Variants in HS6ST2 observed in about 807,000 individuals in gnomAD.
The protein encoded by HS6ST2 is heparan sulfate 6-O-sulfotransferase 2.
In HS6ST2, 17 loss-of-function variants were observed where a neutral mutation model predicts 33.0. The observed-to-expected ratio is 0.52, with a 90% confidence interval of 0.35 to 0.77. The LOEUF is 0.77. HS6ST2 is among the 30% of genes least tolerant of loss of function. The pLI, the probability that HS6ST2 is intolerant of heterozygous loss-of-function variation, is 0.01. For synonymous variants in HS6ST2, 248 were observed against 237.1 expected, an observed-to-expected ratio of 1.05 and a Z score of -0.42; for missense variants, 519 against 551.7, an observed-to-expected ratio of 0.94 and a Z score of 0.59.
At chrX:132,687,004 T>C (rs779851786) in intron 3 of HS6ST2, among the ~76,000 whole-genome samples, 4 of 112,347 alleles carry the variant, frequency 3.6e-5, no homozygotes, top group Non-Finnish European at 5.6e-5. Flanking sequence ...TCCTTGACCC[T>C]TCAAGCTCAG....
intron 2 of HS6ST2, among the ~76,000 whole-genome samples, chrX:132,868,008 A>C (rs2066009479): frequency 8.9e-6 from 1 of 112,162 alleles, no homozygotes; most frequent in Non-Finnish European, 1.9e-5. Flanking sequence ...TAAAGAGTCA[A>C]GACCCATCAG....
In HS6ST2 at chrX:132,805,374, G is replaced by A. The variant is rs151282915; in HGVS notation, c.948-96880C>T. Among the ~76,000 whole-genome samples, 745 of 111,106 alleles carry A rather than the reference G, an allele frequency of 6.7e-3. 3 individuals carry two copies. Among genetic ancestry groups the A allele is most frequent in the African/African-American group, 0.023 (713 of 30,529 alleles). On this transcript the variant is annotated intron_variant, in intron 2 of 4. Coordinates refer to ENST00000370833, the MANE Select transcript of HS6ST2 (RefSeq NM_001394073.1). ...GAAATGAGAGGAGGGGAGAAGTCTC[G>A]GGTCTGAGAGATTTTCTCAACAAGA...
At chrX:132,940,194 A>G (rs2066872406) in intron 2 of HS6ST2, among the ~76,000 whole-genome samples, 1 of 112,001 alleles carries the variant, frequency 8.9e-6, no homozygotes, top group South Asian at 3.7e-4. Context: ...ATAAAGAAAA[A>G]CAGTCTTCAA....
chrX:132,676,899 G>C (rs755070302), intron 3 of HS6ST2, among the ~76,000 whole-genome samples: 1 of 112,395 alleles, frequency 8.9e-6, no homozygotes, highest in Non-Finnish European at 1.9e-5. Flanking sequence ...GTGCCCCGCT[G>C]TAGGGCTTCT....
intron 2 of HS6ST2, among the ~76,000 whole-genome samples, chrX:132,803,629 G>A (rs1163676231): frequency 5.4e-5 from 6 of 111,281 alleles, no homozygotes; most frequent in Non-Finnish European, 1.1e-4. Flanking sequence ...GGCTAGTCTC[G>A]AACTCCTGGC....
chrX:132,709,054 T>C (rs183800632), intron 2 of HS6ST2, among the ~76,000 whole-genome samples: 272 of 112,392 alleles, frequency 2.4e-3, no homozygotes, highest in Non-Finnish European at 4.4e-3. Context: ...ATCTCTCTAG[T>C]CCCTTCCACC....
chrX:132,718,780 C>T (rs1243003844), intron 2 of HS6ST2, among the ~76,000 whole-genome samples: 1 of 110,897 alleles, frequency 9.0e-6, no homozygotes, highest in Non-Finnish European at 1.9e-5. Flanking sequence ...TTCACCATAG[C>T]TATGCTGCTC....
chrX:132,642,386 G>A (rs1274373649), intron 4 of HS6ST2, among the ~76,000 whole-genome samples: 1 of 111,138 alleles, frequency 9.0e-6, no homozygotes, highest in African/African-American at 3.3e-5. Context: ...TGATTTTAAT[G>A]AGCTCTAATA....
chrX:132,839,349 G>A (rs985036551), intron 2 of HS6ST2, among the ~76,000 whole-genome samples: 4 of 96,881 alleles, frequency 4.1e-5, no homozygotes, highest in African/African-American at 1.1e-4. Context: ...CACACACACC[G>A]TGGCATACTA....
intron 4 of HS6ST2, among the ~76,000 whole-genome samples, chrX:132,646,535 TAAAAAA>T (rs34230779): frequency 3.3e-4 from 22 of 67,253 alleles, no homozygotes; most frequent in African/African-American, 1.4e-3. Flanking sequence ...CCCTGTCTCT[TAAAAAA>T]AAAAAAAAAA....
At chrX:132,648,998 A>G (rs909521114) in intron 4 of HS6ST2, among the ~76,000 whole-genome samples, 1 of 112,376 alleles carries the variant, frequency 8.9e-6, no homozygotes, top group African/African-American at 3.2e-5. Context: ...CGGCATATCA[A>G]TCGTGTTTTA....
chrX:132,794,850 T>C (rs1027652640), intron 2 of HS6ST2, among the ~76,000 whole-genome samples: 2 of 110,671 alleles, frequency 1.8e-5, no homozygotes, highest in African/African-American at 6.6e-5. Flanking sequence ...ATGGTAGAGC[T>C]GGCCTTGATG....
intron 2 of HS6ST2, among the ~76,000 whole-genome samples, chrX:132,761,210 G>A (rs1213216809): frequency 8.9e-6 from 1 of 111,756 alleles, no homozygotes; most frequent in East Asian, 2.8e-4. Context: ...ATCTGTCTGA[G>A]CACAATTCAC....
chrX:132,921,110 T>C (rs895731989), intron 2 of HS6ST2, among the ~76,000 whole-genome samples: 3 of 112,156 alleles, frequency 2.7e-5, no homozygotes, highest in Non-Finnish European at 5.6e-5. Flanking sequence ...GCTAAAGTGG[T>C]GGCAACAGAA....
chrX:132,692,474 G>A (rs773621344), intron 3 of HS6ST2, among the ~76,000 whole-genome samples: 2 of 110,612 alleles, frequency 1.8e-5, no homozygotes, highest in South Asian at 8.1e-4. Context: ...ACAACCGTAC[G>A]CAGCTCCTTA....
chrX:132,730,345 G>A (rs1031701168), intron 2 of HS6ST2, among the ~76,000 whole-genome samples: 1 of 111,962 alleles, frequency 8.9e-6, no homozygotes, highest in African/African-American at 3.2e-5. Context: ...CATTTGGCCT[G>A]TAATGCTCCA....
At chrX:132,877,985 G>A (rs1325330345) in intron 2 of HS6ST2, among the ~76,000 whole-genome samples, 1 of 111,157 alleles carries the variant, frequency 9.0e-6, no homozygotes, top group African/African-American at 3.3e-5. Context: ...TTAAACGGAG[G>A]AGGGGAAAAT....
intron 2 of HS6ST2, among the ~76,000 whole-genome samples, chrX:132,806,110 C>G (rs1036954850): frequency 2.7e-5 from 3 of 110,139 alleles, no homozygotes; most frequent in Admixed American, 1.9e-4. Context: ...ACCCAGAGTC[C>G]TAGTACACTA....
chrX:132,885,713 T>G (rs903679946), intron 2 of HS6ST2, among the ~76,000 whole-genome samples: 1 of 109,463 alleles, frequency 9.1e-6, no homozygotes, highest in Non-Finnish European at 1.9e-5. Context: ...CAACAGAAGA[T>G]AGTAGCCTTA....
Sources: allele counts gnomAD v4.1 joint callset (sites outside exome capture counted in the v4.1 genomes callset), GRCh38; gene constraint gnomAD v4.1.1; transcripts MANE v1.5; gene names NCBI Gene and HGNC (gene_info 2026-07-23, HGNC 2026-07-21).